The following CTXND2 variants were observed in gnomAD, a reference collection of about 807,000 sequenced individuals.
The protein encoded by CTXND2 is cortexin domain containing 2.
At chr1:150,893,448 G>T (rs1444555272) in intron 1 of CTXND2, among the ~76,000 whole-genome samples, 1 of 151,990 alleles carries the variant, frequency 6.6e-6, no homozygotes, top group Non-Finnish European at 1.5e-5. Flanking sequence ...TTAAGTAGTA[G>T]GTTTGCTATA....
intron 1 of CTXND2, among the ~76,000 whole-genome samples, chr1:150,891,158 T>C (rs1191967936): frequency 6.6e-6 from 1 of 152,212 alleles, no homozygotes; most frequent in Non-Finnish European, 1.5e-5. Context: ...ATCAGGTTAA[T>C]TCTTGCCTCA....
chr1:150,903,918 A>T (rs1669089499), intron 1 of CTXND2: 1 of 641,766 alleles, frequency 1.6e-6, no homozygotes, highest in Non-Finnish European at 2.9e-6. Context: ...GAGAAAGGCA[A>T]GAAGATTTTT....
intron 1 of CTXND2, among the ~76,000 whole-genome samples, chr1:150,903,007 A>G (rs1003088920): frequency 6.6e-6 from 1 of 152,146 alleles, no homozygotes; most frequent in Non-Finnish European, 1.5e-5. Flanking sequence ...AAAATTGTCT[A>G]GCTACTTGCT....
intron 1 of CTXND2, among the ~76,000 whole-genome samples, chr1:150,901,959 A>G (rs1393463221): frequency 1.3e-5 from 2 of 151,336 alleles, no homozygotes; most frequent in Non-Finnish European, 2.9e-5. Context: ...GGGAAATAAT[A>G]GTCTTTTTAA....
At chr1:150,896,342 ATGAGTC>A (rs1010903776) in intron 1 of CTXND2, among the ~76,000 whole-genome samples, 2 of 152,244 alleles carry the variant, frequency 1.3e-5, no homozygotes, top group African/African-American at 4.8e-5. Context: ...TTTTGGCCAT[ATGAGTC>A]AATAAATTCC....
intron 1 of CTXND2, among the ~76,000 whole-genome samples, 198 bp downstream of exon 1, chr1:150,887,511 T>G (rs1668789208): frequency 6.6e-6 from 1 of 152,008 alleles, no homozygotes; most frequent in Non-Finnish European, 1.5e-5. Context: ...CAGACTGAAC[T>G]CAAACTCCTG....
At chr1:150,907,911 G>A (rs1249399557) in intron 1 of CTXND2, among the ~76,000 whole-genome samples, 6 of 151,784 alleles carry the variant, frequency 4.0e-5, no homozygotes, top group African/African-American at 9.7e-5. Flanking sequence ...GGGTTTCACC[G>A]TGTTAGCCAG....
chr1:150,890,713 G>C (rs1668839218), intron 1 of CTXND2, among the ~76,000 whole-genome samples: 1 of 151,950 alleles, frequency 6.6e-6, no homozygotes, highest in East Asian at 1.9e-4. Context: ...ATGTTGGTTA[G>C]ACTGGTCTTG....
chr1:150,889,399 C>CA (rs377253666), intron 1 of CTXND2, among the ~76,000 whole-genome samples: 1,007 of 75,992 alleles, frequency 0.013, 23 homozygotes, highest in African/African-American at 0.015. Flanking sequence ...GACTCTGTCT[C>CA]AAAAAAAAAA....
At chr1:150,911,115 A>AT (rs943086609) in intron 1 of CTXND2, among the ~76,000 whole-genome samples, 76 of 141,174 alleles carry the variant, frequency 5.4e-4, no homozygotes, top group East Asian at 8.3e-4. Flanking sequence ...TAATTTTTGT[A>AT]TTTTTTTTTT....
intron 1 of CTXND2, among the ~76,000 whole-genome samples, chr1:150,903,349 C>T (rs185504742): frequency 1.3e-5 from 2 of 152,194 alleles, no homozygotes; most frequent in East Asian, 3.9e-4. Context: ...CTGCAGTCCT[C>T]TTAAGAGAGG....
At chr1:150,891,516 T>C (rs1359208900) in intron 1 of CTXND2, among the ~76,000 whole-genome samples, 1 of 152,168 alleles carries the variant, frequency 6.6e-6, no homozygotes, top group Non-Finnish European at 1.5e-5. Context: ...CCCGGCCTTA[T>C]CTGATATTTC....
chr1:150,887,427 A>C (rs1668788214), intron 1 of CTXND2, 114 bp downstream of exon 1: 1 of 151,012 alleles, frequency 6.6e-6, no homozygotes, highest in Non-Finnish European at 1.5e-5. Context: ...TGGGGAAATG[A>C]CTGAAGGAAG....
At chr1:150,896,068 C>T (rs1051202474) in intron 1 of CTXND2, among the ~76,000 whole-genome samples, 4 of 152,122 alleles carry the variant, frequency 2.6e-5, no homozygotes, top group South Asian at 2.1e-4. Flanking sequence ...TTCTGTTTAA[C>T]GGAGAATCCG....
intron 1 of CTXND2, among the ~76,000 whole-genome samples, chr1:150,902,522 C>G (rs919803538): frequency 2.0e-5 from 3 of 151,914 alleles, no homozygotes; most frequent in African/African-American, 4.8e-5. Context: ...AAACCAAGAT[C>G]GTGCCACTGC....
chr1:150,911,055 CGGCCTCCCAAAGTGCT>C (rs1669247529), intron 1 of CTXND2, among the ~76,000 whole-genome samples: 3 of 152,192 alleles, frequency 2.0e-5, no homozygotes, highest in Admixed American at 2.0e-4. Context: ...CCGCCTGCCT[CGGCCTCCCAAAGTGCT>C]GGGCTTACAG....
At chr1:150,901,034 C>T (rs986497905) in intron 1 of CTXND2, among the ~76,000 whole-genome samples, 5 of 152,028 alleles carry the variant, frequency 3.3e-5, no homozygotes, top group African/African-American at 1.2e-4. Flanking sequence ...ATCCCTTGAG[C>T]CCAGGAGGTT....
intron 1 of CTXND2, among the ~76,000 whole-genome samples, chr1:150,888,456 T>A (rs1668804548): frequency 6.6e-6 from 1 of 151,668 alleles, no homozygotes; most frequent in Non-Finnish European, 1.5e-5. Flanking sequence ...CCGAAGGTGA[T>A]CCCCCGCGAC....
At chr1:150,895,380 G>A (rs934527254) in intron 1 of CTXND2, among the ~76,000 whole-genome samples, 1 of 149,842 alleles carries the variant, frequency 6.7e-6, no homozygotes, top group African/African-American at 2.5e-5. Context: ...GTCTCTTTCT[G>A]TTGCCCAGGC....
Sources: allele counts gnomAD v4.1 joint callset (sites outside exome capture counted in the v4.1 genomes callset), GRCh38; gene constraint gnomAD v4.1.1; transcripts MANE v1.5; gene names NCBI Gene and HGNC (gene_info 2026-07-23, HGNC 2026-07-21).